DPP10: variants seen among roughly 807,000 people sequenced by gnomAD.
DPP10 encodes inactive dipeptidyl peptidase 10.
In DPP10, 33 loss-of-function variants were observed where a neutral mutation model predicts 120.9. The ratio of observed to expected loss-of-function variants is 0.27; its 90% CI spans 0.21 to 0.37. The LOEUF (loss-of-function observed/expected upper bound fraction) is 0.37. Among genes scored for constraint, DPP10 ranks in the 10% least tolerant of loss-of-function variants. DPP10 has a pLI of 1.00. For missense variants in DPP10, 816 were observed against 942.8 expected (o/e 0.87, Z 1.76); for synonymous variants, 337 against 326.1 (o/e 1.03, Z -0.36).
chr2:115,134,967 C>T (rs2050576460), intron 1 of DPP10, among the ~76,000 whole-genome samples: 1 of 152,056 alleles, frequency 6.6e-6, no homozygotes, highest in African/African-American at 2.4e-5. Flanking sequence ...GCTGCTCTAA[C>T]AGAACACAAG....
chr2:114,664,981 G>GAGCATCCAAAAGATGGCAC lies in DPP10; in HGVS notation c.60+222145_60+222146insCATCCAAAAGATGGCACAG, dbSNP rs1558982819. Among the ~76,000 whole-genome samples the GAGCATCCAAAAGATGGCAC allele has an allele frequency of 2.9e-4, 30 of 105,126 alleles. 1 individual carries two copies. Among genetic ancestry groups the GAGCATCCAAAAGATGGCAC allele is most frequent in the African/African-American group, 2.4e-3 (29 of 12,212 alleles). 69.0% of individuals were successfully genotyped at this position (105,126 alleles called of 152,430 possible). On this transcript the variant is annotated intron_variant, in intron 1 of 25. Transcript: ENST00000410059. The stretch of plus-strand genomic sequence containing the variant: ...GGCATAGAGCATCCAAAAGATGGCA[G>GAGCATCCAAAAGATGGCAC]AGAGCATCCAAAAGATGGCACAGAG...
chr2:115,151,335 G>T (rs962669659), intron 1 of DPP10, among the ~76,000 whole-genome samples: 4 of 150,396 alleles, frequency 2.7e-5, no homozygotes, highest in Non-Finnish European at 5.9e-5. Context: ...ATTGTACTAC[G>T]TTAATATTAT....
At chr2:114,449,578 G>T (rs971192132) in intron 1 of DPP10, among the ~76,000 whole-genome samples, 7 of 151,778 alleles carry the variant, frequency 4.6e-5, no homozygotes, top group Non-Finnish European at 1.0e-4. Context: ...TTTCTTTAGA[G>T]GGGCATCCTT....
chr2:115,365,857 G>A (rs2065047869), intron 3 of DPP10, among the ~76,000 whole-genome samples: 1 of 151,844 alleles, frequency 6.6e-6, no homozygotes, highest in African/African-American at 2.4e-5. Context: ...ATGAATCCTG[G>A]GATGACTATG....
chr2:115,817,700 C>T (rs1687403677), intron 21 of DPP10, among the ~76,000 whole-genome samples: 1 of 150,216 alleles, frequency 6.7e-6, no homozygotes, highest in Admixed American at 6.6e-5. Context: ...TAAAGGAAAA[C>T]ATCTAAGAAA....
intron 1 of DPP10, among the ~76,000 whole-genome samples, chr2:114,444,032 G>A (rs975994750): frequency 1.3e-5 from 2 of 151,878 alleles, no homozygotes; most frequent in African/African-American, 4.8e-5. Context: ...GGGTTTCCAG[G>A]GTATATTAAA....
At chr2:115,259,420 G>C (rs1300040317) in intron 1 of DPP10, among the ~76,000 whole-genome samples, 1 of 151,394 alleles carries the variant, frequency 6.6e-6, no homozygotes, top group Non-Finnish European at 1.5e-5. Context: ...GGAGGCGGAG[G>C]TTGCAGTGAG....
chr2:114,482,185 CTG>C (rs1681118948), intron 1 of DPP10, among the ~76,000 whole-genome samples: 1 of 152,024 alleles, frequency 6.6e-6, no homozygotes, highest in African/African-American at 2.4e-5. Context: ...TAGTTACAGA[CTG>C]TATAATTCCA....
chr2:115,230,415 C>T (rs895381873), intron 1 of DPP10, among the ~76,000 whole-genome samples: 1 of 151,876 alleles, frequency 6.6e-6, no homozygotes, highest in African/African-American at 2.4e-5. Flanking sequence ...AGTTCTTTCT[C>T]TTGTCTGATT....
chr2:115,317,235 C>A (rs1470503742), intron 2 of DPP10, among the ~76,000 whole-genome samples: 1 of 152,190 alleles, frequency 6.6e-6, no homozygotes, highest in Non-Finnish European at 1.5e-5. Context: ...CAATCTACTT[C>A]TGTTCTCTGA....
intron 1 of DPP10, among the ~76,000 whole-genome samples, chr2:114,925,027 C>T (rs901366138): frequency 1.3e-5 from 2 of 151,902 alleles, no homozygotes; most frequent in Non-Finnish European, 2.9e-5. Context: ...CTGGCTAACA[C>T]GGTGAAACCC....
intron 10 of DPP10, 48 bp from the exon 11 acceptor site, chr2:115,753,126 T>G (rs754111296): frequency 1.3e-6 from 2 of 1,573,830 alleles, no homozygotes; most frequent in Non-Finnish European, 1.7e-6. Context: ...TGGTACTATA[T>G]CAATGCTCTG....
chr2:114,690,577 G>T lies in DPP10; in HGVS notation c.60+247739G>T, dbSNP rs200911103. Among the ~76,000 whole-genome samples the T allele has an allele frequency of 4.6e-5, 7 of 151,930 alleles. No individual in the cohort carries two copies. The East Asian group carries it at 1.2e-3, about 25-fold the overall frequency. ...TGTCTTGGCTATTTGGGATCTTTTT[G>T]GTTCCATGTGAATATACAAATATTT... On this transcript the variant is annotated intron_variant, in intron 1 of 25. Coordinates refer to ENST00000410059, the MANE Select transcript of DPP10 (RefSeq NM_020868.6).
At chr2:115,155,106 G>A (rs776486639) in intron 1 of DPP10, among the ~76,000 whole-genome samples, 26 of 151,250 alleles carry the variant, frequency 1.7e-4, no homozygotes, top group Middle Eastern at 3.2e-3. Context: ...ACGGGGTTTC[G>A]CCATTTGACC....
At chr2:115,113,708 C>G (rs1308962068) in intron 1 of DPP10, among the ~76,000 whole-genome samples, 1 of 152,082 alleles carries the variant, frequency 6.6e-6, no homozygotes, top group Non-Finnish European at 1.5e-5. Flanking sequence ...AATAATAAAC[C>G]CTTGAGATAC....
chr2:114,513,384 G>T (rs1263222349), intron 1 of DPP10, among the ~76,000 whole-genome samples: 1 of 151,810 alleles, frequency 6.6e-6, no homozygotes, highest in African/African-American at 2.4e-5. Context: ...AGCCAAGTGT[G>T]GTGGTGGGCA....
At chr2:114,663,664 T>G (rs371760525) in intron 1 of DPP10, among the ~76,000 whole-genome samples, 42,056 of 94,170 alleles carry the variant, frequency 0.45, 8,585 homozygotes, top group Middle Eastern at 0.52. Flanking sequence ...TATATATATA[T>G]ATATAGAGAG....
chr2:115,336,847 T>G (rs917133217), intron 2 of DPP10, among the ~76,000 whole-genome samples: 1 of 151,980 alleles, frequency 6.6e-6, no homozygotes, highest in African/African-American at 2.4e-5. Context: ...CTGAGCCACC[T>G]TCTCGTTGTT....
chr2:114,515,799 C>A (rs1380342317), intron 1 of DPP10, among the ~76,000 whole-genome samples: 1 of 139,714 alleles, frequency 7.2e-6, no homozygotes, highest in Non-Finnish European at 1.6e-5. Context: ...ATCTACATCT[C>A]ATATCAACCT....
Sources: allele counts gnomAD v4.1 joint callset (sites outside exome capture counted in the v4.1 genomes callset), GRCh38; gene constraint gnomAD v4.1.1; transcripts MANE v1.5; gene names NCBI Gene and HGNC (gene_info 2026-07-23, HGNC 2026-07-21).